LTBP1: variants seen among roughly 807,000 people sequenced by gnomAD.
LTBP1 encodes the protein latent-transforming growth factor beta-binding protein 1.
Under a neutral mutation model 207.6 loss-of-function variants are expected in LTBP1, and 129 were observed. The ratio of observed to expected loss-of-function variants is 0.62; its 90% CI spans 0.54 to 0.72. LTBP1 has a LOEUF of 0.72. Among genes scored for constraint, LTBP1 ranks in the 30% least tolerant of loss-of-function variants. LTBP1 has a pLI of 0.00. For synonymous variants in LTBP1, 963 were observed against 833.7 expected (o/e 1.16, Z -2.67); for missense variants, 2,281 against 2,217.2 (o/e 1.03, Z -0.58).
intron 9 of LTBP1, among the ~76,000 whole-genome samples, chr2:33,229,746 G>A (rs2091681262): frequency 6.6e-6 from 1 of 152,270 alleles, no homozygotes; most frequent in South Asian, 2.1e-4. Context: ...TTCATACTGA[G>A]CATATTAGAT....
At chr2:33,271,532 C>T (rs945163889) in intron 15 of LTBP1, among the ~76,000 whole-genome samples, 6 of 152,064 alleles carry the variant, frequency 3.9e-5, no homozygotes, top group Non-Finnish European at 8.8e-5. Flanking sequence ...TGAGTATAAC[C>T]TGGTGAAGAT....
At chr2:33,028,608 T>C (rs2075545028) in intron 3 of LTBP1, among the ~76,000 whole-genome samples, 1 of 152,352 alleles carries the variant, frequency 6.6e-6, no homozygotes, top group East Asian at 1.9e-4. Context: ...AGCAAAACTT[T>C]ACTTAATCAT....
intron 2 of LTBP1, among the ~76,000 whole-genome samples, chr2:33,007,288 G>C (rs1216585091): frequency 6.6e-6 from 1 of 152,140 alleles, no homozygotes; most frequent in Non-Finnish European, 1.5e-5. Flanking sequence ...GCCTTGAAAG[G>C]GTTTTTATTT....
At chr2:33,283,324 C>A (rs1043477274) in intron 19 of LTBP1, among the ~76,000 whole-genome samples, 1 of 150,336 alleles carries the variant, frequency 6.7e-6, no homozygotes, top group Non-Finnish European at 1.5e-5. Flanking sequence ...TTGTCTCTAA[C>A]TGTTACCTGT....
intron 5 of LTBP1, among the ~76,000 whole-genome samples, chr2:33,169,316 C>A (rs2085218812): frequency 6.6e-6 from 1 of 152,130 alleles, no homozygotes; most frequent in Non-Finnish European, 1.5e-5. Context: ...TTATATTTTT[C>A]TTTTCCAGCA....
intron 12 of LTBP1, 122 bp downstream of exon 12, chr2:33,257,633 G>T: frequency 1.3e-6 from 1 of 784,442 alleles, no homozygotes. Flanking sequence ...ATTTTAGAGT[G>T]GAGAATTATT....
chr2:33,223,214 C>G (rs749480787), intron 9 of LTBP1, among the ~76,000 whole-genome samples: 1 of 152,188 alleles, frequency 6.6e-6, no homozygotes, highest in Non-Finnish European at 1.5e-5. Flanking sequence ...ATTCAAATGG[C>G]TCATGCCAAA....
intron 31 of LTBP1, among the ~76,000 whole-genome samples, chr2:33,387,415 G>A (rs942357304): frequency 1.3e-5 from 2 of 152,154 alleles, no homozygotes; most frequent in Admixed American, 6.5e-5. Context: ...TTCCAGGTTC[G>A]GCTATTTCCT....
At chr2:33,025,476 T>TA (rs1304622126) in intron 3 of LTBP1, among the ~76,000 whole-genome samples, 1 of 152,224 alleles carries the variant, frequency 6.6e-6, no homozygotes, top group Non-Finnish European at 1.5e-5. Flanking sequence ...CCTCGTAGCT[T>TA]AAACAAGGCT....
chr2:33,344,134 G>T (rs905737443), intron 25 of LTBP1, among the ~76,000 whole-genome samples: 1 of 152,160 alleles, frequency 6.6e-6, no homozygotes, highest in Non-Finnish European at 1.5e-5. Context: ...GTGGAATTAT[G>T]AAATTCAGTT....
At chr2:32,950,554 C>T (rs1167950008) in intron 2 of LTBP1, among the ~76,000 whole-genome samples, 2 of 114,916 alleles carry the variant, frequency 1.7e-5, no homozygotes, top group African/African-American at 6.8e-5. Context: ...GACTCTGTCT[C>T]AAAAAAAAAA....
chr2:33,337,144 G>T (rs1211479156), intron 24 of LTBP1, among the ~76,000 whole-genome samples: 1 of 152,212 alleles, frequency 6.6e-6, no homozygotes, highest in East Asian at 1.9e-4. Flanking sequence ...TGACACAGGT[G>T]TCTGGCCTTA....
intron 2 of LTBP1, among the ~76,000 whole-genome samples, chr2:32,957,738 G>T (rs1173623891): frequency 2.0e-5 from 3 of 152,186 alleles, no homozygotes; most frequent in Admixed American, 1.3e-4. Context: ...ATGCAAGGTT[G>T]TTACAAACCT....
At chr2:33,310,881 T>C (rs2094175960) in intron 23 of LTBP1, among the ~76,000 whole-genome samples, 1 of 152,228 alleles carries the variant, frequency 6.6e-6, no homozygotes, top group African/African-American at 2.4e-5. Flanking sequence ...ATTTTACCTT[T>C]ATATCTGTTT....
chr2:33,318,584 AT>A (rs919184198), intron 24 of LTBP1, among the ~76,000 whole-genome samples: 1 of 152,118 alleles, frequency 6.6e-6, no homozygotes, highest in African/African-American at 2.4e-5. Flanking sequence ...TACACAGGAT[AT>A]TTTTTTCAAA....
chr2:33,146,874 C>T (rs1216625512), intron 5 of LTBP1, among the ~76,000 whole-genome samples: 3 of 152,210 alleles, frequency 2.0e-5, no homozygotes, highest in Non-Finnish European at 4.4e-5. Context: ...GGGGATTACA[C>T]TGGGGATTAC....
chr2:33,080,950 G>A (rs375203788), intron 3 of LTBP1, among the ~76,000 whole-genome samples: 3 of 152,308 alleles, frequency 2.0e-5, no homozygotes, highest in Non-Finnish European at 4.4e-5. Context: ...AGAGAAAAGC[G>A]TATAGATTTA....
chr2:33,345,142 A>C (rs1033254975), intron 25 of LTBP1, among the ~76,000 whole-genome samples: 1 of 152,208 alleles, frequency 6.6e-6, no homozygotes, highest in Admixed American at 6.5e-5. Flanking sequence ...ATGAGTGAGC[A>C]CCTGCCCCAT....
chr2:33,243,218 T>C (rs1294146059), intron 9 of LTBP1, among the ~76,000 whole-genome samples: 1 of 152,216 alleles, frequency 6.6e-6, no homozygotes, highest in Non-Finnish European at 1.5e-5. Flanking sequence ...ATTTCATAAT[T>C]TAACTTCTAA....
Sources: allele counts gnomAD v4.1 joint callset (sites outside exome capture counted in the v4.1 genomes callset), GRCh38; gene constraint gnomAD v4.1.1; transcripts MANE v1.5; gene names NCBI Gene and HGNC (gene_info 2026-07-23, HGNC 2026-07-21).